ARRB1: variants seen among roughly 807,000 people sequenced by gnomAD.
The protein encoded by ARRB1 is arrestin beta 1.
ARRB1 carries 21 observed loss-of-function variants against 56.8 expected under a neutral mutation model. The ratio of observed to expected loss-of-function variants is 0.37; its 90% CI spans 0.26 to 0.53. The LOEUF is 0.53. ARRB1 is among the 20% of genes least tolerant of loss of function. ARRB1 has a pLI of 0.88. For missense variants in ARRB1, 424 were observed against 553.7 expected (o/e 0.77, Z 2.35); for synonymous variants, 210 against 218.6 (o/e 0.96, Z 0.35).
At chr11:75,332,730 AC>A (rs1338621302) in intron 1 of ARRB1, among the ~76,000 whole-genome samples, 1 of 152,190 alleles carries the variant, frequency 6.6e-6, no homozygotes, top group African/African-American at 2.4e-5. Flanking sequence ...CCCCGTCTCA[AC>A]TAAAAATACA....
At chr11:75,316,714 C>T (rs1947272006) in intron 1 of ARRB1, among the ~76,000 whole-genome samples, 1 of 151,928 alleles carries the variant, frequency 6.6e-6, no homozygotes, top group Non-Finnish European at 1.5e-5. Flanking sequence ...GACAGGAGGT[C>T]AAGACCAGCC....
At chr11:75,334,936 TTTTG>T (rs1261333908) in intron 1 of ARRB1, among the ~76,000 whole-genome samples, 6 of 151,430 alleles carry the variant, frequency 4.0e-5, no homozygotes, top group South Asian at 4.1e-4. Context: ...AAGGTTTTTT[TTTTG>T]TTTGTTTGTT....
chr11:75,271,747 G>A (rs1946077905), intron 12 of ARRB1, 23 bp from the exon 13 acceptor site: 1 of 1,568,852 alleles, frequency 6.4e-7, no homozygotes, highest in Non-Finnish European at 8.6e-7. Context: ...GAGGAGGCAG[G>A]AGAAGTGGTC....
At chr11:75,278,127 G>T (rs1946241417) in intron 8 of ARRB1, among the ~76,000 whole-genome samples, 1 of 152,248 alleles carries the variant, frequency 6.6e-6, no homozygotes. Context: ...GAGAGAGGGG[G>T]TGCCCACACC....
At chr11:75,327,643 C>T (rs59068836) in intron 1 of ARRB1, among the ~76,000 whole-genome samples, 2 of 148,648 alleles carry the variant, frequency 1.3e-5, no homozygotes, top group Non-Finnish European at 3.0e-5. Context: ...GGCTAGAGTG[C>T]AGTGGCGTGA....
intron 1 of ARRB1, among the ~76,000 whole-genome samples, chr11:75,292,887 C>T (rs1342795668): frequency 6.6e-6 from 1 of 152,136 alleles, no homozygotes; most frequent in Non-Finnish European, 1.5e-5. Context: ...CAGAGAGACG[C>T]AGTAATTTCC....
At chr11:75,277,175 A>G (rs999103440) in intron 9 of ARRB1, among the ~76,000 whole-genome samples, 189 bp downstream of exon 9, 8 of 152,252 alleles carry the variant, frequency 5.3e-5, no homozygotes, top group East Asian at 3.8e-4. Flanking sequence ...GAGCAAACTC[A>G]TTACCTAGCC....
intron 10 of ARRB1, among the ~76,000 whole-genome samples, chr11:75,276,097 T>A (rs1375655019): frequency 6.6e-6 from 1 of 152,210 alleles, no homozygotes. Flanking sequence ...GTAGTAACAT[T>A]TTAAAAATAT....
chr11:75,308,827 T>C (rs1191349604), intron 1 of ARRB1, among the ~76,000 whole-genome samples: 1 of 152,172 alleles, frequency 6.6e-6, no homozygotes, highest in Non-Finnish European at 1.5e-5. Context: ...CTTGATCTCC[T>C]GGGCGCAAGT....
intron 1 of ARRB1, among the ~76,000 whole-genome samples, chr11:75,314,526 G>T (rs1284148890): frequency 6.6e-6 from 1 of 152,198 alleles, no homozygotes; most frequent in Non-Finnish European, 1.5e-5. Context: ...TGGGAGTCAG[G>T]TCAGAGCAAT....
At chr11:75,283,030 C>A (rs1411917826) in intron 5 of ARRB1, among the ~76,000 whole-genome samples, 11 of 152,186 alleles carry the variant, frequency 7.2e-5, no homozygotes, top group Non-Finnish European at 1.5e-4. Flanking sequence ...CCCCTTAGCA[C>A]CCCCTTTCTC....
At chr11:75,301,552 A>G (rs1471092683) in intron 1 of ARRB1, among the ~76,000 whole-genome samples, 1 of 151,942 alleles carries the variant, frequency 6.6e-6, no homozygotes, top group Non-Finnish European at 1.5e-5. Flanking sequence ...GATGCCCTCA[A>G]TCCCATACGT....
chr11:75,275,446 C>T (rs1946182091), intron 10 of ARRB1, among the ~76,000 whole-genome samples: 1 of 152,152 alleles, frequency 6.6e-6, no homozygotes, highest in African/African-American at 2.4e-5. Context: ...AGCCCTGTCT[C>T]TAAACACATT....
At chr11:75,288,022 G>T (rs537265657) in intron 2 of ARRB1, among the ~76,000 whole-genome samples, 1 of 151,750 alleles carries the variant, frequency 6.6e-6, no homozygotes, top group Non-Finnish European at 1.5e-5. Flanking sequence ...ACCACCACAC[G>T]CAGCTAATTT....
At chr11:75,276,941 G>A in intron 9 of ARRB1, 30 bp from the exon 10 acceptor site, 5 of 1,610,480 alleles carry the variant, frequency 3.1e-6, no homozygotes, top group Non-Finnish European at 4.2e-6. Flanking sequence ...AAGGTGGAGT[G>A]AGTCGGGAAT....
chr11:75,292,679 A>G (rs1285397185), intron 1 of ARRB1, among the ~76,000 whole-genome samples: 2 of 152,200 alleles, frequency 1.3e-5, no homozygotes, highest in African/African-American at 2.4e-5. Context: ...CAGGTGCCTG[A>G]GGCCACAAAC....
chr11:75,316,805 C>T (rs191215483), intron 1 of ARRB1, among the ~76,000 whole-genome samples: 3 of 151,960 alleles, frequency 2.0e-5, no homozygotes, highest in Non-Finnish European at 2.9e-5. Context: ...CAGTGGCTCA[C>T]GCCTGTAATC....
intron 1 of ARRB1, among the ~76,000 whole-genome samples, chr11:75,300,893 G>C (rs1207524903): frequency 1.4e-5 from 2 of 147,070 alleles, no homozygotes; most frequent in Non-Finnish European, 3.0e-5. Flanking sequence ...GCGTGAACCC[G>C]GGAGGCGGAG....
intron 3 of ARRB1, among the ~76,000 whole-genome samples, chr11:75,286,355 C>T (rs1485182081): frequency 6.9e-6 from 1 of 144,446 alleles, no homozygotes; most frequent in Admixed American, 7.2e-5. Context: ...TGCAACTCTG[C>T]CTCCTGGGTT....
Sources: allele counts gnomAD v4.1 joint callset (sites outside exome capture counted in the v4.1 genomes callset), GRCh38; gene constraint gnomAD v4.1.1; transcripts MANE v1.5; gene names NCBI Gene and HGNC (gene_info 2026-07-23, HGNC 2026-07-21).